Variants in KCNN3 observed in about 807,000 individuals in gnomAD.
The protein encoded by KCNN3 is small conductance calcium-activated potassium channel protein 3.
A neutral mutation model predicts 62.9 loss-of-function variants in KCNN3; 16 were observed. The ratio of observed to expected loss-of-function variants is 0.25; its 90% CI spans 0.17 to 0.39. The LOEUF is 0.39. Ranked by LOEUF, KCNN3 falls within the 10% of genes least tolerant of loss-of-function variation. The pLI is 1.00. For missense variants in KCNN3, 599 were observed against 949.4 expected (o/e 0.63, Z 4.85); for synonymous variants, 370 against 389.2 (o/e 0.95, Z 0.58).
intron 1 of KCNN3, among the ~76,000 whole-genome samples, chr1:154,858,738 T>G (rs1652637435): frequency 1.0e-5 from 1 of 96,120 alleles, no homozygotes; most frequent in Non-Finnish European, 2.9e-5. Context: ...TCATGTAACT[T>G]TTTTTTTTTT....
chr1:154,852,047 T>C (rs1380912447), intron 1 of KCNN3, among the ~76,000 whole-genome samples: 4 of 152,214 alleles, frequency 2.6e-5, no homozygotes, highest in Admixed American at 6.5e-5. Context: ...CACCGTCCAG[T>C]GTGAGGACAC....
chr1:154,806,545 T>C (rs1650179956), intron 2 of KCNN3, among the ~76,000 whole-genome samples: 1 of 152,208 alleles, frequency 6.6e-6, no homozygotes, highest in South Asian at 2.1e-4. Flanking sequence ...AGATTAGAAC[T>C]CTTGATTCTA....
rs1439698816 is a variant in KCNN3, at chr1:154,831,772, C to T, written c.934-9588G>A. Among the ~76,000 whole-genome samples the T allele has an allele frequency of 2.6e-5, 4 of 152,226 alleles. No individual in the cohort carries two copies. The South Asian group carries it at 6.2e-4, about 24-fold the overall frequency. On this transcript the variant is annotated intron_variant, in intron 1 of 7. Coordinates refer to ENST00000271915, the MANE Select transcript of KCNN3 (RefSeq NM_002249.6). ...TGGATGGCTCTTTTTCAAAGATCTG[C>T]CTGCAGTGCTTGGTCCCAGTGAAAC...
chr1:154,808,822 A>T (rs1650285934), intron 2 of KCNN3, among the ~76,000 whole-genome samples: 1 of 152,192 alleles, frequency 6.6e-6, no homozygotes, highest in South Asian at 2.1e-4. Flanking sequence ...CACCATAAAG[A>T]GCTGATAGGG....
chr1:154,832,161 C>T (rs1319903670), intron 1 of KCNN3, among the ~76,000 whole-genome samples: 1 of 152,002 alleles, frequency 6.6e-6, no homozygotes, highest in East Asian at 1.9e-4. Context: ...AAGACTGTCA[C>T]TTAGTCACTG....
At chr1:154,783,974 T>A (rs1649171850) in intron 2 of KCNN3, among the ~76,000 whole-genome samples, 1 of 152,156 alleles carries the variant, frequency 6.6e-6, no homozygotes, top group Non-Finnish European at 1.5e-5. Flanking sequence ...AAGCGGTTAC[T>A]AAGTACAGGA....
intron 2 of KCNN3, among the ~76,000 whole-genome samples, chr1:154,791,921 C>T (rs1442095824): frequency 6.6e-6 from 1 of 152,246 alleles, no homozygotes; most frequent in Non-Finnish European, 1.5e-5. Flanking sequence ...ATCTGCCAAC[C>T]CATCTATAAT....
chr1:154,753,952 G>A (rs1485892914), intron 3 of KCNN3, among the ~76,000 whole-genome samples: 1 of 152,192 alleles, frequency 6.6e-6, no homozygotes, highest in East Asian at 1.9e-4. Flanking sequence ...CTGGTCCGTT[G>A]TCAAGCCAGG....
chr1:154,847,425 C>G (rs1652119696), intron 1 of KCNN3, among the ~76,000 whole-genome samples: 1 of 152,222 alleles, frequency 6.6e-6, no homozygotes, highest in South Asian at 2.1e-4. Context: ...CGGGGAGTCA[C>G]CAATGACACA....
intron 3 of KCNN3, among the ~76,000 whole-genome samples, chr1:154,769,554 C>T (rs1199861460): frequency 6.6e-6 from 1 of 152,160 alleles, no homozygotes; most frequent in Non-Finnish European, 1.5e-5. Context: ...AAACTACATT[C>T]TTTAAAACAA....
At chr1:154,770,842 A>G (rs1648520099) in intron 3 of KCNN3, among the ~76,000 whole-genome samples, 1 of 152,174 alleles carries the variant, frequency 6.6e-6, no homozygotes, top group African/African-American at 2.4e-5. Context: ...GGATCACTTG[A>G]AGCCAGGAGT....
intron 1 of KCNN3, among the ~76,000 whole-genome samples, chr1:154,851,940 G>A (rs1380360813): frequency 6.6e-6 from 1 of 152,168 alleles, no homozygotes; most frequent in Non-Finnish European, 1.5e-5. Flanking sequence ...TCCCTGCAGA[G>A]CCAGACCCGC....
At chr1:154,858,070 G>C (rs1182538066) in intron 1 of KCNN3, among the ~76,000 whole-genome samples, 1 of 152,068 alleles carries the variant, frequency 6.6e-6, no homozygotes, top group East Asian at 1.9e-4. Context: ...CACTCTTAAG[G>C]GATCTTTCCA....
chr1:154,765,690 G>A (rs531749953), intron 3 of KCNN3, among the ~76,000 whole-genome samples: 11 of 148,452 alleles, frequency 7.4e-5, no homozygotes, highest in Middle Eastern at 3.4e-3. Flanking sequence ...GTGCAGTGGC[G>A]CAATCTCTGC....
At chr1:154,786,512 A>G (rs945541034) in intron 2 of KCNN3, among the ~76,000 whole-genome samples, 1 of 152,252 alleles carries the variant, frequency 6.6e-6, no homozygotes, top group Non-Finnish European at 1.5e-5. Flanking sequence ...GAAAATGTTC[A>G]TGATATATTG....
intron 7 of KCNN3, 27 bp downstream of exon 7, chr1:154,713,437 G>C: frequency 6.3e-7 from 1 of 1,585,206 alleles, no homozygotes; most frequent in Non-Finnish European, 8.7e-7. Context: ...CGTGTTCTAG[G>C]GGATGTCTCC....
intron 1 of KCNN3, among the ~76,000 whole-genome samples, chr1:154,838,974 G>A (rs1485152633): frequency 6.6e-6 from 1 of 152,180 alleles, no homozygotes; most frequent in African/African-American, 2.4e-5. Flanking sequence ...AAGGGCCAGT[G>A]CCACTCAGGA....
intron 7 of KCNN3, among the ~76,000 whole-genome samples, chr1:154,712,462 G>A (rs1700099293): frequency 6.6e-6 from 1 of 152,148 alleles, no homozygotes; most frequent in South Asian, 2.1e-4. Flanking sequence ...GTCCTCACAG[G>A]TTTAGAAGGC....
chr1:154,707,648 A>C lies in KCNN3; in HGVS notation c.*328T>G. The C allele has an allele frequency of 1.6e-5, 4 of 253,604 alleles. No homozygotes were observed. Among genetic ancestry groups the C allele is most frequent in the Non-Finnish European group, 2.3e-5 (3 of 130,900 alleles). The allele number at this position is 253,604 out of a possible 1,614,324, so 15.7% of individuals were successfully genotyped here. On this transcript the variant is annotated 3_prime_UTR_variant, in exon 8 of 8. Coordinates refer to ENST00000271915, the MANE Select transcript of KCNN3 (RefSeq NM_002249.6). ...GCTTCGCTGTTGGCTACTTCAGTGC[A>C]TCTGACCCCCACCCCCCGCGTGAAG... is the stretch of plus-strand genomic sequence containing the variant.
Sources: allele counts gnomAD v4.1 joint callset (sites outside exome capture counted in the v4.1 genomes callset), GRCh38; gene constraint gnomAD v4.1.1; transcripts MANE v1.5; gene names NCBI Gene and HGNC (gene_info 2026-07-23, HGNC 2026-07-21).